LARP1: variants seen among roughly 807,000 people sequenced by gnomAD.
LARP1 encodes La ribonucleoprotein 1, translational regulator.
In LARP1, 36 loss-of-function variants were observed where a neutral mutation model predicts 122.7. The ratio of observed to expected loss-of-function variants is 0.29; its 90% CI spans 0.22 to 0.39. LARP1 has a LOEUF of 0.39. Ranked by LOEUF, LARP1 falls within the 10% of genes least tolerant of loss-of-function variation. LARP1 has a pLI of 1.00. For missense variants in LARP1, 1,040 were observed against 1,403.6 expected (o/e 0.74, Z 4.14); for synonymous variants, 539 against 528.7 (o/e 1.02, Z -0.27).
intron 1 of LARP1, among the ~76,000 whole-genome samples, chr5:154,715,264 C>CT (rs35808885): frequency 0.089 from 7,999 of 90,188 alleles, 530 homozygotes; most frequent in East Asian, 0.21. Flanking sequence ...GCAAGCCTCT[C>CT]TTTTTTTTTT....
rs1341683724 is a variant in LARP1 at position 154,811,318 on chromosome 5, A to G, written c.2915A>G (p.Lys972Arg). The G allele has an allele frequency of 6.2e-7, 1 of 1,614,210 alleles. No homozygotes were observed. Among genetic ancestry groups the G allele is most frequent in the East Asian group, 2.2e-5 (1 of 44,888 alleles). Residue 972 changes from lysine to arginine, a missense_variant, in exon 17 of 19, where the codon AAG becomes AGG. Physicochemically the swap from Lys to Arg is conservative, Grantham distance 26. This residue lies in a region of LARP1 where 129 missense variants were observed against 160.8 expected (regional missense o/e 0.80). Coordinates refer to ENST00000518297, the MANE Select transcript of LARP1 (RefSeq NM_033551.3). The stretch of plus-strand genomic sequence containing the variant: ...AAGAAGTTCCGGCTGGACATATTCA[A>G]GGATTTTCAGGAGGAAACGGTGAAG... ...LEKKFRLDIF[K>R]DFQEETVKDY...
chr5:154,817,567 C>A lies in LARP1; in HGVS notation c.*3471C>A, dbSNP rs1256706531. Reference sequence around the variant, plus strand: ...GGTAATTATGCTTTTCTTTTTAATACAAAAAAATGTATAAAAATAAACACT... The same window carrying A: ...GGTAATTATGCTTTTCTTTTTAATAAAAAAAAATGTATAAAAATAAACACT... On this transcript the variant is annotated 3_prime_UTR_variant, in exon 19 of 19. Transcript: ENST00000518297. 1 of 152,396 alleles carries A rather than the reference C, an allele frequency of 6.6e-6. No homozygotes were observed. The highest frequency in any genetic ancestry group is 6.6e-5 in the Admixed American group (1 of 15,260). The allele number at this position is 152,396 out of a possible 1,614,324, so 9.4% of individuals were successfully genotyped here.
At chr5:154,712,761 C>T (rs1314081875), upstream of LARP1, 6 of 626,246 alleles carry the variant, frequency 9.6e-6, no homozygotes, top group Admixed American at 8.7e-5. Flanking sequence ...TAGCCTTGCT[C>T]GGCCAATGAG....
chr5:154,790,270 A>G (rs1312671000), intron 1 of LARP1, 55 bp from the exon 2 acceptor site: 9 of 1,460,074 alleles, frequency 6.2e-6, no homozygotes, highest in Non-Finnish European at 7.6e-6. Context: ...AGGAGCTGGC[A>G]GTAGCCCCCT....
At chr5:154,702,990 G>T (rs186880093) in intron 1 of LARP1, among the ~76,000 whole-genome samples, 3 of 151,876 alleles carry the variant, frequency 2.0e-5, no homozygotes, top group African/African-American at 4.8e-5. Flanking sequence ...GCGTGGTGGC[G>T]CGTGCCTGCA....
At chr5:154,722,678 G>GT (rs11315331) in intron 1 of LARP1, among the ~76,000 whole-genome samples, 7,974 of 99,144 alleles carry the variant, frequency 0.08, 359 homozygotes, top group Non-Finnish European at 0.11. Flanking sequence ...TCTTTCCTAG[G>GT]TTTTTTTTTT....
intron 1 of LARP1, among the ~76,000 whole-genome samples, chr5:154,701,131 T>TG (rs1455924237): frequency 1.3e-5 from 2 of 152,072 alleles, no homozygotes; most frequent in African/African-American, 4.8e-5. Context: ...TTCTTTTGTT[T>TG]TTTGTTTGTT....
At chr5:154,730,929 G>A (rs745762729) in intron 1 of LARP1, among the ~76,000 whole-genome samples, 3 of 147,200 alleles carry the variant, frequency 2.0e-5, no homozygotes, top group East Asian at 2.0e-4. Flanking sequence ...GTGCAGTGGC[G>A]TGATCTCAGC....
intron 1 of LARP1, among the ~76,000 whole-genome samples, chr5:154,782,062 T>C (rs965523019): frequency 1.3e-5 from 2 of 152,206 alleles, no homozygotes; most frequent in African/African-American, 4.8e-5. Context: ...TATTGAGATC[T>C]ATGACTAGAT....
At chr5:154,703,774 C>T (rs1561535107) in intron 1 of LARP1, among the ~76,000 whole-genome samples, 1 of 152,086 alleles carries the variant, frequency 6.6e-6, no homozygotes, top group Non-Finnish European at 1.5e-5. Flanking sequence ...GCGCCCACCA[C>T]CATGCCCAGC....
upstream of LARP1, among the ~76,000 whole-genome samples, chr5:154,751,867 T>C (rs1279448313): frequency 6.6e-6 from 1 of 152,174 alleles, no homozygotes; most frequent in Non-Finnish European, 1.5e-5. Flanking sequence ...AGGCATGCAC[T>C]GGGATAAGGG....
At chr5:154,784,743 T>C (rs1045800524) in intron 1 of LARP1, among the ~76,000 whole-genome samples, 6 of 152,208 alleles carry the variant, frequency 3.9e-5, no homozygotes, top group African/African-American at 1.4e-4. Context: ...GAATCACCCA[T>C]GTGCTTTCTA....
chr5:154,735,667 C>G lies in LARP1; in HGVS notation c.205+22537C>G, dbSNP rs955257792. Among the ~76,000 whole-genome samples, 25 of 151,372 alleles carry G rather than the reference C, an allele frequency of 1.7e-4. 1 individual carries two copies. ...CATTGAAACCTCCACCTCCAAGGTT[C>G]AAGCAATTCTCCTGCCTCAGCCTCC... On this transcript the variant is annotated intron_variant, in intron 1 of 18. Coordinates refer to the LARP1 transcript ENST00000336314.
chr5:154,699,262 G>A (rs534035022), intron 1 of LARP1, among the ~76,000 whole-genome samples: 14 of 152,346 alleles, frequency 9.2e-5, no homozygotes, highest in Admixed American at 4.6e-4. Context: ...TTCAATGGAT[G>A]TCAATCACAT....
chr5:154,740,581 T>C (rs1757180309), intron 1 of LARP1, among the ~76,000 whole-genome samples: 1 of 152,170 alleles, frequency 6.6e-6, no homozygotes, highest in Admixed American at 6.5e-5. Flanking sequence ...TATGGCTTGC[T>C]CAAGCTCACA....
At chr5:154,764,142 C>T (rs554253327) in intron 1 of LARP1, among the ~76,000 whole-genome samples, 4 of 151,804 alleles carry the variant, frequency 2.6e-5, no homozygotes, top group African/African-American at 9.7e-5. Context: ...AACCCTGCCT[C>T]TACTAAACAT....
intron 1 of LARP1, among the ~76,000 whole-genome samples, chr5:154,770,868 T>C (rs1205014460): frequency 6.6e-6 from 1 of 151,948 alleles, no homozygotes. Flanking sequence ...ATCCCAGCGC[T>C]TTGGGAGGCC....
intron 3 of LARP1, chr5:154,791,877 C>T (rs1757380694): frequency 2.3e-6 from 1 of 436,866 alleles, no homozygotes; most frequent in African/African-American, 2.0e-5. Context: ...GCTGAATTGC[C>T]TGTTCATCAT....
chr5:154,746,499 C>G (rs1007180238), intron 1 of LARP1, among the ~76,000 whole-genome samples: 1 of 152,216 alleles, frequency 6.6e-6, no homozygotes, highest in Non-Finnish European at 1.5e-5. Flanking sequence ...TCTATGAATA[C>G]TATCTGTGTC....
Sources: allele counts gnomAD v4.1 joint callset (sites outside exome capture counted in the v4.1 genomes callset), GRCh38; gene constraint gnomAD v4.1.1; regional missense constraint gnomAD v4.1.1; transcripts MANE v1.5; gene names NCBI Gene and HGNC (gene_info 2026-07-23, HGNC 2026-07-21).